Variants in DLEC1 observed in about 807,000 individuals in gnomAD.
DLEC1 encodes the protein DLEC1 cilia and flagella associated protein, also known as deleted in lung and esophageal cancer protein 1.
Under a neutral mutation model 198.1 loss-of-function variants are expected in DLEC1, and 146 were observed. The ratio of observed to expected loss-of-function variants is 0.74; its 90% CI spans 0.64 to 0.85. DLEC1 has a LOEUF of 0.85. Among genes scored for constraint, DLEC1 ranks in the 40% least tolerant of loss-of-function variants. The probability of loss-of-function intolerance (pLI) is 0.00; values close to 1 mark genes in which losing one functional copy is unlikely to be tolerated. For missense variants in DLEC1, 2,233 were observed against 2,220.0 expected (o/e 1.01, Z -0.12); for synonymous variants, 897 against 866.8 (o/e 1.03, Z -0.61).
intron 7 of DLEC1, 36 bp from the exon 8 acceptor site, chr3:38,085,238 C>A: frequency 6.2e-7 from 1 of 1,612,464 alleles, no homozygotes; most frequent in South Asian, 1.1e-5. Flanking sequence ...GCTGGCTGCT[C>A]CCAGGATCCT....
At chr3:38,089,624 G>A (rs1208858042) in intron 10 of DLEC1, among the ~76,000 whole-genome samples, 2 of 152,162 alleles carry the variant, frequency 1.3e-5, no homozygotes, top group Non-Finnish European at 2.9e-5. Flanking sequence ...TCTTGGTGTA[G>A]TCCAGGACTT....
chr3:38,095,105 G>T (rs754851982), intron 13 of DLEC1, 34 bp downstream of exon 13: 2 of 1,608,716 alleles, frequency 1.2e-6, no homozygotes, highest in Non-Finnish European at 8.5e-7. Context: ...GCCACACATG[G>T]TTGGATCATG....
At chr3:38,052,616 G>A (rs1026276188) in intron 2 of DLEC1, among the ~76,000 whole-genome samples, 3 of 152,192 alleles carry the variant, frequency 2.0e-5, no homozygotes, top group Non-Finnish European at 4.4e-5. Context: ...CATGAGGTGT[G>A]GAGTTGGAAC....
intron 2 of DLEC1, among the ~76,000 whole-genome samples, chr3:38,057,817 CTTTT>C (rs71094945): frequency 4.5e-5 from 6 of 132,810 alleles, no homozygotes; most frequent in South Asian, 2.4e-4. Context: ...TGTATTATTC[CTTTT>C]TTTTTTTTTT....
chr3:38,118,285 C>G (rs1430198942), intron 33 of DLEC1, among the ~76,000 whole-genome samples: 1 of 152,202 alleles, frequency 6.6e-6, no homozygotes, highest in Non-Finnish European at 1.5e-5. Flanking sequence ...ATAAATGTCC[C>G]CAGACTTCCC....
intron 21 of DLEC1, among the ~76,000 whole-genome samples, chr3:38,108,800 G>A (rs1436025852): frequency 1.3e-5 from 2 of 152,210 alleles, no homozygotes; most frequent in East Asian, 1.9e-4. Context: ...CTCTGTGGCC[G>A]CAGGTGGGCC....
In DLEC1 at chr3:38,090,987, A is replaced by G. The variant is rs150355188; in HGVS notation, c.1666-1803A>G. Among the ~76,000 whole-genome samples the G allele has an allele frequency of 6.6e-5, 10 of 152,370 alleles. No individual in the cohort carries two copies. The East Asian group carries it at 1.3e-3, about 21-fold the overall frequency. ...ATTTTGAACAAAATCAAGACAAAAT[A>G]TCATTGCATTTAACAGAATGAAACT... is the stretch of plus-strand genomic sequence containing the variant. On this transcript the variant is annotated intron_variant, in intron 10 of 36. Coordinates refer to ENST00000308059, the MANE Select transcript of DLEC1 (RefSeq NM_007335.4).
chr3:38,051,489 C>T (rs866413754), intron 2 of DLEC1, among the ~76,000 whole-genome samples: 1 of 152,214 alleles, frequency 6.6e-6, no homozygotes, highest in South Asian at 2.1e-4. Context: ...GAAGATCTGC[C>T]ACAGGGGAGA....
chr3:38,117,428 G>A (rs1183856130), intron 31 of DLEC1, 99 bp from the exon 32 acceptor site: 2 of 1,601,308 alleles, frequency 1.2e-6, no homozygotes, highest in Non-Finnish European at 1.7e-6. Context: ...CAGCAGAGGA[G>A]CCCAGGGAAA....
At chr3:38,104,400 T>C (rs1370257277) in intron 19 of DLEC1, among the ~76,000 whole-genome samples, 1 of 152,102 alleles carries the variant, frequency 6.6e-6, no homozygotes, top group Non-Finnish European at 1.5e-5. Flanking sequence ...GAGGCTGCAG[T>C]GAGCCGAGAT....
At chr3:38,099,398 G>A (rs921889544) in intron 18 of DLEC1, among the ~76,000 whole-genome samples, 7 of 152,146 alleles carry the variant, frequency 4.6e-5, no homozygotes, top group African/African-American at 1.7e-4. Flanking sequence ...GTTTTATAAT[G>A]GAAATAATTG....
At chr3:38,063,791 T>C (rs1201745675) in intron 5 of DLEC1, 50 bp from the exon 6 acceptor site, 1 of 1,342,050 alleles carries the variant, frequency 7.5e-7, no homozygotes, top group Admixed American at 1.7e-5. Context: ...ACTATTTCAT[T>C]GTATGGATGA....
chr3:38,091,016 C>G (rs1487938186), intron 10 of DLEC1, among the ~76,000 whole-genome samples: 2 of 152,108 alleles, frequency 1.3e-5, no homozygotes, highest in African/African-American at 4.8e-5. Flanking sequence ...TGAAACTAGA[C>G]CTGTGTCTCT....
rs1231165826 is a variant in DLEC1, at chr3:38,117,219, G to A, written c.4317G>A (p.Glu1439=). 1.2e-6 allele frequency: 2 copies of A among 1,614,050 alleles called. No individual in the cohort carries two copies. The highest frequency in any genetic ancestry group is 4.5e-5 in the East Asian group (2 of 44,892). ...FMSLDSKVER[E]IPGKRHRLQD... ...CTTGGGCTCAGTAGGTGGAAAGGGA[G>A]ATTCCAGGGAAGAGGCATCGCCTGC... Residue 1439 remains glutamate (E), a synonymous_variant, in exon 31 of 37, where the codon GAG becomes GAA. Coordinates refer to ENST00000308059, the MANE Select transcript of DLEC1 (RefSeq NM_007335.4).
chr3:38,039,651 G>T lies in DLEC1; in HGVS notation c.411+15G>T. The T allele has an allele frequency of 6.3e-7, 1 of 1,586,128 alleles. No homozygotes were observed. The highest frequency in any genetic ancestry group is 8.6e-7 in the Non-Finnish European group (1 of 1,163,056). ...AGCTGCAGCAGGTAACGTGGCGGTGGCGTCGCGTCTGCGGACGGTGCCGGG... is the reference window on the plus strand; with the variant it reads ...AGCTGCAGCAGGTAACGTGGCGGTGTCGTCGCGTCTGCGGACGGTGCCGGG... On this transcript the variant is annotated intron_variant, in intron 1 of 36. Transcript: ENST00000308059.
intron 12 of DLEC1, 85 bp downstream of exon 12, chr3:38,093,852 C>G: frequency 6.5e-7 from 1 of 1,537,202 alleles, no homozygotes; most frequent in Non-Finnish European, 8.9e-7. Context: ...GGAGGTCCTT[C>G]CAAGGGCCTG....
chr3:38,109,354 C>T, intron 21 of DLEC1, 78 bp from the exon 22 acceptor site: 2 of 1,576,606 alleles, frequency 1.3e-6, no homozygotes, highest in Non-Finnish European at 1.7e-6. Flanking sequence ...CAGCAATCCC[C>T]TGTGCTGCGG....
chr3:38,082,011 C>T (rs1220081429), intron 6 of DLEC1, among the ~76,000 whole-genome samples: 14 of 123,306 alleles, frequency 1.1e-4, no homozygotes, highest in Middle Eastern at 5.2e-3. Flanking sequence ...GGGCAGCTGC[C>T]GGGCGGAGGG....
At chr3:38,088,242 A>G in intron 9 of DLEC1, 54 bp from the exon 10 acceptor site, 5 of 1,512,442 alleles carry the variant, frequency 3.3e-6, no homozygotes, top group Non-Finnish European at 4.6e-6. Flanking sequence ...TGCAATCTGA[A>G]TACTGGCTTT....
Sources: gnomAD v4.1 joint callset for allele counts (sites outside exome capture counted in the v4.1 genomes callset) on GRCh38, gnomAD v4.1.1 for gene constraint, MANE v1.5 for transcripts, NCBI Gene and HGNC (gene_info 2026-07-23, HGNC 2026-07-21) for gene names.